ZNF219: variants seen among roughly 807,000 people sequenced by gnomAD.
ZNF219 encodes zinc finger protein 219.
Under a neutral mutation model 54.4 loss-of-function variants are expected in ZNF219, and 17 were observed. The ratio of observed to expected loss-of-function variants is 0.31; its 90% confidence interval spans 0.21 to 0.47. The LOEUF (loss-of-function observed/expected upper bound fraction) is 0.47, where lower values mean the gene tolerates loss of function less well. Among genes scored for constraint, ZNF219 ranks in the 20% least tolerant of loss-of-function variants. The pLI, the probability that ZNF219 is intolerant of heterozygous loss-of-function variation, is 1.00. For synonymous variants in ZNF219, 518 were observed against 476.4 expected (o/e 1.09, Z -1.14); for missense variants, 1,014 against 1,062.3 (o/e 0.95, Z 0.63).
chr14:21,102,187 T>G, upstream of ZNF219: 1 of 1,496,532 alleles, frequency 6.7e-7, no homozygotes, highest in Non-Finnish European at 9.0e-7. Flanking sequence ...ACCCTCAGCC[T>G]AGGAAGTAAG....
chr14:21,097,906 G>A (rs1889372017), intron 1 of ZNF219, among the ~76,000 whole-genome samples: 2 of 151,076 alleles, frequency 1.3e-5, no homozygotes, highest in South Asian at 2.1e-4. Context: ...GGGTTGGGGG[G>A]TGCACATCCA....
Position 21,092,493 on chromosome 14 carries a change from G to C in ZNF219, c.804C>G (p.Pro268=). 1 of 1,552,086 alleles carries C rather than the reference G, an allele frequency of 6.4e-7. No homozygotes were observed. The highest frequency in any genetic ancestry group is 8.7e-7 in the Non-Finnish European group (1 of 1,147,746). Residue 268 remains proline, a synonymous_variant, in exon 3 of 5, where the codon CCC becomes CCG. Transcript: ENST00000360947. ...PTPAPAAPEE[P]PAPPEFRCQV... is the part of the protein sequence containing the mutation. Reference sequence around the variant, plus strand: ...GGCAGCGGAACTCCGGAGGCGCTGGGGGCTCCTCGGGAGCGGCAGGAGCTG... The same window carrying C: ...GGCAGCGGAACTCCGGAGGCGCTGGCGGCTCCTCGGGAGCGGCAGGAGCTG...
In ZNF219 at chr14:21,090,378, C is replaced by T. The variant is rs1428238693; in HGVS notation, c.*158G>A. On this transcript the variant is annotated 3_prime_UTR_variant, in exon 5 of 5. Coordinates refer to ENST00000360947, the MANE Select transcript of ZNF219 (RefSeq NM_016423.3). The surrounding 1 kb of genome is among the most constrained non-coding windows in gnomAD (Gnocchi z 4.4). The stretch of plus-strand genomic sequence containing the variant: ...CTTGGGCTGGGTGGGTACCGCCAGC[C>T]CACCCTCCTACGCCCGCCGCGCCTT... 1 of 1,034,594 alleles carries T rather than the reference C, an allele frequency of 9.7e-7. No homozygotes were observed. The highest frequency in any genetic ancestry group is 1.4e-6 in the Non-Finnish European group (1 of 711,510). 64.1% of individuals were successfully genotyped at this position (1,034,594 alleles called of 1,614,324 possible).
rs1190969929 is a variant in ZNF219, at chr14:21,091,031, G to A, written c.1674C>T (p.Pro558=). 3.2e-6 allele frequency: 5 copies of A among 1,553,284 alleles called. No homozygotes were observed. The highest frequency in any genetic ancestry group is 2.7e-5 in the African/African-American group (2 of 73,610). Reference sequence around the variant, plus strand: ...GAGGCGGTGGCTCCGGGGGTGGCCCGGGGCCGGCCCCGCTCCTCTGCTCCC... The same window carrying A: ...GAGGCGGTGGCTCCGGGGGTGGCCCAGGGCCGGCCCCGCTCCTCTGCTCCC... ...HHREQRSGAG[P]GPPPEPPPPS... is the part of the protein sequence containing the mutation. The change falls in exon 5 of 5, where the codon CCC becomes CCT. Residue 558 remains proline (P), a synonymous_variant. Coordinates refer to ENST00000360947, the MANE Select transcript of ZNF219 (RefSeq NM_016423.3).
At position 21,092,637 on chromosome 14, in the gene ZNF219, C is replaced by T. The variant is rs1243224795; in HGVS notation, c.660G>A (p.Ala220=). 9.0e-6 allele frequency: 14 copies of T among 1,560,292 alleles called. No homozygotes were observed. Among genetic ancestry groups the T allele is most frequent in the Non-Finnish European group, 1.2e-5 (14 of 1,155,222 alleles). Residue 220 remains alanine, a synonymous_variant, in exon 3 of 5, where the codon GCG becomes GCA. Coordinates refer to ENST00000360947, the MANE Select transcript of ZNF219 (RefSeq NM_016423.3). ...GAGGCGGAGGCGCAGCGGAGGTGGC[C>T]GCCAGGGGACGCTCGGGAGCCCCGT... ...TAHGAPERPL[A]ATSAAPPPQP...
Position 21,090,833 on chromosome 14 carries a change from G to A in ZNF219, c.1872C>T (p.Ala624=), listed in dbSNP as rs1300252412. The A allele has an allele frequency of 3.8e-6, 6 of 1,559,640 alleles. No homozygotes were observed. The highest frequency in any genetic ancestry group is 1.2e-5 in the South Asian group (1 of 84,928). The change falls in exon 5 of 5, where the codon GCC becomes GCT. Residue 624 remains alanine (A), a synonymous_variant. Transcript: ENST00000360947. The surrounding 1 kb of genome is among the most constrained non-coding windows in gnomAD (Gnocchi z 4.4). ...CCCGCAAGGACAGGTCCAGGGGTTC[G>A]GCCTCACCGCCTCGCCCGTTGCGCA... ...RTLRNGRGGE[A]EPLDLSLRAG...
At chr14:21,101,034 C>T, upstream of ZNF219, 1 of 275,398 alleles carries the variant, frequency 3.6e-6, no homozygotes, top group Non-Finnish European at 7.2e-6. Context: ...GATCCTTAGG[C>T]CTTCATAGAA....
At chr14:21,102,128 G>T, upstream of ZNF219, 1 of 1,550,018 alleles carries the variant, frequency 6.5e-7, no homozygotes, top group South Asian at 1.2e-5. Context: ...AAGGTGAGAG[G>T]GAAGAAAACG....
Position 21,096,663 on chromosome 14 carries a change from G to A in ZNF219, c.-84+1649C>T, listed in dbSNP as rs529212253. ...CCTTATTTGGATTCTATAAGGATGC[G>A]GGGCCAGGGATAGATATCAGAAACC... On this transcript the variant is annotated intron_variant, in intron 1 of 4. Coordinates refer to ENST00000360947, the MANE Select transcript of ZNF219 (RefSeq NM_016423.3). Among the ~76,000 whole-genome samples, 5 of 152,278 alleles carry A rather than the reference G, an allele frequency of 3.3e-5. No individual in the cohort carries two copies. In the South Asian group the frequency reaches 8.3e-4, roughly 25 times the overall value.
chr14:21,095,042 A>G (rs1287359958), intron 1 of ZNF219, among the ~76,000 whole-genome samples: 1 of 152,138 alleles, frequency 6.6e-6, no homozygotes, highest in Non-Finnish European at 1.5e-5. Flanking sequence ...AGGATCTTTA[A>G]TAGAAAAGAA....
chr14:21,093,820 A>G, intron 1 of ZNF219, 146 bp from the exon 2 acceptor site: 1 of 700,876 alleles, frequency 1.4e-6, no homozygotes, highest in East Asian at 2.7e-5. Context: ...AGGGGCTGCT[A>G]TACTCAAAAA....
At chr14:21,102,399 T>C, upstream of ZNF219, 3 of 1,551,672 alleles carry the variant, frequency 1.9e-6, no homozygotes, top group Non-Finnish European at 2.6e-6. Context: ...GCTGGCTCAC[T>C]GGCAGGTGCG....
At chr14:21,093,382 G>C (rs1431111139) in intron 2 of ZNF219, 92 bp from the exon 3 acceptor site, 4 of 1,498,228 alleles carry the variant, frequency 2.7e-6, no homozygotes, top group Non-Finnish European at 3.6e-6. Context: ...GACAACACGA[G>C]GGAAGGTGGG....
chr14:21,094,705 T>A (rs909634398), intron 1 of ZNF219, among the ~76,000 whole-genome samples: 1 of 73,926 alleles, frequency 1.4e-5, no homozygotes, highest in African/African-American at 5.5e-5. Context: ...AGAAGATCAT[T>A]GAGAGGAAGA....
chr14:21,092,649 C>G lies in ZNF219; in HGVS notation c.648G>C (p.Glu216Asp). ...CAGCGGAGGTGGCCGCCAGGGGACG[C>G]TCGGGAGCCCCGTGGGCCGTCAGGC... is the stretch of plus-strand genomic sequence containing the variant. ...HHSLTAHGAPERPLAATSAAP... is the reference protein window; with the variant it reads ...HHSLTAHGAPDRPLAATSAAP... The change falls in exon 3 of 5, where the codon GAG becomes GAC. Residue 216 changes from glutamate (E) to aspartate (D), a missense_variant. Physicochemically the swap from Glu to Asp is conservative, Grantham distance 45 (BLOSUM62 2). Around this residue, in one of 5 missense-constraint regions of ZNF219, gnomAD observed 395 missense variants for 415.1 expected, o/e 0.95. Transcript: ENST00000360947. The G allele has an allele frequency of 6.4e-7, 1 of 1,565,760 alleles. No homozygotes were observed. The highest frequency in any genetic ancestry group is 8.6e-7 in the Non-Finnish European group (1 of 1,158,070).
At position 21,093,684 on chromosome 14, in the gene ZNF219, G is replaced by A; in HGVS notation, c.-83-10C>T. On this transcript the variant is annotated splice_polypyrimidine_tract_variant and intron_variant, in intron 1 of 4. Coordinates refer to ENST00000360947, the MANE Select transcript of ZNF219 (RefSeq NM_016423.3). ...AACAGGTGCTGTGGAGCTAAAGCAAGAGACAGATTTGGAGGAAAAGATGAG... is the reference window on the plus strand; with the variant it reads ...AACAGGTGCTGTGGAGCTAAAGCAAAAGACAGATTTGGAGGAAAAGATGAG... The A allele has an allele frequency of 6.2e-7, 1 of 1,613,368 alleles. No homozygotes were observed. The highest frequency in any genetic ancestry group is 8.5e-7 in the Non-Finnish European group (1 of 1,179,526).
At chr14:21,104,552 C>G (rs1467902208) in exon 1 of ZNF219, 1 of 152,316 alleles carries the variant, frequency 6.6e-6, no homozygotes, top group Non-Finnish European at 1.5e-5. Flanking sequence ...TCGCCTCACA[C>G]TCATTTTTGT....
upstream of ZNF219, chr14:21,101,548 A>G (rs1889631592): frequency 4.3e-6 from 5 of 1,159,526 alleles, no homozygotes; most frequent in Admixed American, 2.3e-5. Context: ...AGCACCTACC[A>G]TGTGCCAGAA....
upstream of ZNF219, chr14:21,102,283 T>C (rs1889689349): frequency 1.4e-6 from 2 of 1,405,418 alleles, no homozygotes; most frequent in African/African-American, 2.9e-5. Flanking sequence ...TAAGAGGGCT[T>C]ATGGCCCTGT....
Sources: allele counts gnomAD v4.1 joint callset (sites outside exome capture counted in the v4.1 genomes callset), GRCh38; gene constraint gnomAD v4.1.1; regional missense constraint gnomAD v4.1.1; non-coding constraint Gnocchi (gnomAD v3.1); transcripts MANE v1.5; gene names NCBI Gene and HGNC (gene_info 2026-07-23, HGNC 2026-07-21).